The following SMG5 variants were observed in gnomAD, a reference collection of about 807,000 sequenced individuals.
The protein encoded by SMG5 is nonsense-mediated mRNA decay factor SMG5.
SMG5 carries 53 observed loss-of-function variants against 122.9 expected under a neutral mutation model. That is an observed-to-expected ratio of 0.43 (90% CI 0.35 to 0.54). SMG5 has a LOEUF of 0.54. Among genes scored for constraint, SMG5 ranks in the 20% least tolerant of loss-of-function variants. SMG5 has a pLI of 0.01. For missense variants in SMG5, 1,153 were observed against 1,285.6 expected, an observed-to-expected ratio of 0.90 and a Z score of 1.58; for synonymous variants, 477 against 490.2, an observed-to-expected ratio of 0.97 and a Z score of 0.35.
intron 19 of SMG5, 86 bp downstream of exon 19, chr1:156,252,328 C>A: frequency 7.9e-7 from 1 of 1,271,726 alleles, no homozygotes; most frequent in Non-Finnish European, 1.1e-6. Context: ...GTGTCTTACC[C>A]ATAGGGAGCA....
chr1:156,270,995 G>C (rs964499485), intron 7 of SMG5, among the ~76,000 whole-genome samples: 4 of 147,514 alleles, frequency 2.7e-5, no homozygotes, highest in Non-Finnish European at 4.5e-5. Context: ...CAACAAGAGT[G>C]AAACTCCATC....
Position 156,268,350 on chromosome 1 carries a change from G to T in SMG5, c.779C>A (p.Ala260Asp), listed in dbSNP as rs1662254448. Residue 260 changes from alanine (A) to aspartate (D), a missense_variant, in exon 8 of 22, where the codon GCC (alanine) becomes GAC (aspartate). Ala to Asp is a moderately radical substitution (Grantham distance 126). Coordinates refer to ENST00000361813, the MANE Select transcript of SMG5 (RefSeq NM_015327.3). ...CTTCTTCAGTTGGTGGTACATTTTG[G>T]CTGCCTTGTCATACAGCCGCTTGAG... ...GNLKRLYDKA[A>D]KMYHQLKKCE... 2 of 1,613,994 alleles carry T rather than the reference G, an allele frequency of 1.2e-6. No homozygotes were observed. Among genetic ancestry groups the T allele is most frequent in the Non-Finnish European group, 1.7e-6 (2 of 1,180,030 alleles).
chr1:156,268,324 A>G lies in SMG5; in HGVS notation c.805T>C (p.Cys269Arg). 1 of 1,614,134 alleles carries G rather than the reference A, an allele frequency of 6.2e-7. No individual in the cohort carries two copies. Among genetic ancestry groups the G allele is most frequent in the Non-Finnish European group, 8.5e-7 (1 of 1,180,026 alleles). ...AAKMYHQLKK[C>R]ETRKLSPGKK... The stretch of plus-strand genomic sequence containing the variant: ...CCAGGAGACAGTTTCCGAGTCTCAC[A>G]CTTCTTCAGTTGGTGGTACATTTTG... Residue 269 changes from cysteine to arginine, a missense_variant, in exon 8 of 22, where the codon TGT (cysteine) becomes CGT (arginine). Around this residue, in one of 5 missense-constraint regions of SMG5, gnomAD observed 631 missense variants for 650.6 expected, o/e 0.97. Coordinates refer to ENST00000361813, the MANE Select transcript of SMG5 (RefSeq NM_015327.3).
rs374890333 is a variant in SMG5 at position 156,260,730 on chromosome 1, G to A, written c.2108-104C>T. ...AATTATCAGGCTGATGAGATGATGA[G>A]GCAGGACATACCCTAGGACAGTGCG... On this transcript the variant is annotated intron_variant, in intron 14 of 21. Transcript: ENST00000361813. The A allele has an allele frequency of 5.6e-6, 6 of 1,070,096 alleles. No homozygotes were observed. In the East Asian group the frequency reaches 8.9e-5, roughly 16 times the overall value. 66.3% of individuals were successfully genotyped at this position (1,070,096 alleles called of 1,614,324 possible).
intron 16 of SMG5, among the ~76,000 whole-genome samples, chr1:156,255,044 T>C (rs894447788): frequency 1.3e-5 from 2 of 151,498 alleles, no homozygotes; most frequent in Admixed American, 6.6e-5. Flanking sequence ...TGAGCCGAGA[T>C]AGAGCCACTG....
the SMG5 span, chr1:156,291,515 A>AT: frequency 1.4e-5 from 23 of 1,609,864 alleles, no homozygotes; most frequent in South Asian, 2.5e-4. Flanking sequence ...GCCGGAGCGC[A>AT]TGCTCACTGC....
chr1:156,250,682 G>C lies in SMG5; in HGVS notation c.2968-12C>G. The C allele has an allele frequency of 6.2e-7, 1 of 1,613,644 alleles. No individual in the cohort carries two copies. The highest frequency in any genetic ancestry group is 1.3e-5 in the African/African-American group (1 of 75,032). ...GCCTGCAGGGCTGCCTGTGGAATGGGAGAAGGAAAGATGGAGAGGGTCTGA... is the reference window on the plus strand; with the variant it reads ...GCCTGCAGGGCTGCCTGTGGAATGGCAGAAGGAAAGATGGAGAGGGTCTGA... On this transcript the variant is annotated splice_polypyrimidine_tract_variant and intron_variant, in intron 21 of 21. Transcript: ENST00000361813.
At position 156,278,924 on chromosome 1, in the gene SMG5, T is replaced by A. The variant is rs781450190; in HGVS notation, c.173+12A>T. ...AACAGTAAGGATCTGTGGTTTAGAG[T>A]CTCTAGCTTACTTGTTCCTCAGGCT... is the stretch of plus-strand genomic sequence containing the variant. On this transcript the variant is annotated intron_variant, in intron 2 of 21. Coordinates refer to ENST00000361813, the MANE Select transcript of SMG5 (RefSeq NM_015327.3). The A allele has an allele frequency of 3.1e-6, 5 of 1,606,382 alleles. No individual in the cohort carries two copies. The African/African-American group carries it at 6.7e-5, about 21-fold the overall frequency.
At chr1:156,285,198 G>A, upstream of SMG5, 1 of 1,517,376 alleles carries the variant, frequency 6.6e-7, no homozygotes, top group Non-Finnish European at 8.8e-7. Flanking sequence ...ACATGACCTT[G>A]TGGTAGATCC....
In SMG5 at chr1:156,263,576, G is replaced by C; in HGVS notation, c.1856-6C>G. ...CTCAGAGCCCTCCTCAGAGGCTGGG[G>C]GGTGGGTGAATGGAAGAGAAAAAAA... On this transcript the variant is annotated splice_polypyrimidine_tract_variant and splice_region_variant and intron_variant, in intron 12 of 21. Transcript: ENST00000361813. 1 of 1,611,310 alleles carries C rather than the reference G, an allele frequency of 6.2e-7. No individual in the cohort carries two copies. The highest frequency in any genetic ancestry group is 1.7e-4 in the Middle Eastern group (1 of 6,044).
At chr1:156,265,642 G>A in intron 12 of SMG5, 139 bp downstream of exon 12, 1 of 1,290,912 alleles carries the variant, frequency 7.7e-7, no homozygotes. Flanking sequence ...AAAAACTCAT[G>A]GGCTACACCA....
chr1:156,266,338 G>A lies in SMG5; in HGVS notation c.1298C>T (p.Pro433Leu). 1 of 1,614,030 alleles carries A rather than the reference G, an allele frequency of 6.2e-7. No homozygotes were observed. The stretch of plus-strand genomic sequence containing the variant: ...TGTTACAGGAGGAGGCTCAGGATCT[G>A]GCTCCTCCTCTTTCTCCACAGGTTC... Reference protein sequence around the residue: ...SKEPVEKEEEPDPEPPPVTPQ... With the variant: ...SKEPVEKEEELDPEPPPVTPQ... Residue 433 changes from proline (P) to leucine (L), a missense_variant, in exon 12 of 22, where the codon CCA (proline) becomes CTA (leucine). Transcript: ENST00000361813.
At chr1:156,254,387 T>C (rs932118468) in intron 16 of SMG5, among the ~76,000 whole-genome samples, 11 of 152,244 alleles carry the variant, frequency 7.2e-5, no homozygotes, top group African/African-American at 2.7e-4. Context: ...AAGATGAGGC[T>C]AAGGATGGGG....
intron 21 of SMG5, 47 bp downstream of exon 21, chr1:156,250,811 A>G: frequency 6.2e-7 from 1 of 1,610,242 alleles, no homozygotes; most frequent in South Asian, 1.1e-5. Flanking sequence ...CTGCTCTGGT[A>G]CCTCGTCCCT....
rs762840716 is a variant in SMG5 at position 156,282,571 on chromosome 1, C to T, written c.74+36G>A. The T allele has an allele frequency of 4.9e-5, 77 of 1,586,424 alleles. No individual in the cohort carries two copies. The Middle Eastern group carries it at 5.0e-4, about 10-fold the overall frequency. Reference sequence around the variant, plus strand: ...CCGCCCCTCGCCGTCTCCCCACTTCCCTCGGTGGCTGCTCTCACGCCCTGG... The same window carrying T: ...CCGCCCCTCGCCGTCTCCCCACTTCTCTCGGTGGCTGCTCTCACGCCCTGG... On this transcript the variant is annotated intron_variant, in intron 1 of 21. Coordinates refer to ENST00000361813, the MANE Select transcript of SMG5 (RefSeq NM_015327.3).
chr1:156,266,988 T>C (rs1662183240), intron 10 of SMG5, among the ~76,000 whole-genome samples: 1 of 152,066 alleles, frequency 6.6e-6, no homozygotes, highest in Non-Finnish European at 1.5e-5. Context: ...CTTGTACTCC[T>C]TCAGATAAGC....
rs766485282 is a variant in SMG5, at chr1:156,282,730, C to G, written c.-50G>C. 4 of 1,543,676 alleles carry G rather than the reference C, an allele frequency of 2.6e-6. No individual in the cohort carries two copies. The highest frequency in any genetic ancestry group is 3.5e-6 in the Non-Finnish European group (4 of 1,147,376). On this transcript the variant is annotated 5_prime_UTR_variant, in exon 1 of 22. Transcript: ENST00000361813. Reference sequence around the variant, plus strand: ...CCGGTCACAGGCCCCTGCCACCCACCACTACCGCCAACACTGCCGTCTCCG... The same window carrying G: ...CCGGTCACAGGCCCCTGCCACCCACGACTACCGCCAACACTGCCGTCTCCG...
Position 156,249,863 on chromosome 1 carries a change from T to G in SMG5, c.*724A>C. ...GAGACCGTGCTGGCACAGGCCAGAC[T>G]GCCTGCAGCCCTAGGTGGGGCCTGC... On this transcript the variant is annotated 3_prime_UTR_variant, in exon 22 of 22. Coordinates refer to ENST00000361813, the MANE Select transcript of SMG5 (RefSeq NM_015327.3). The G allele has an allele frequency of 2.1e-6, 1 of 471,254 alleles. No individual in the cohort carries two copies. Among genetic ancestry groups the G allele is most frequent in the South Asian group, 1.5e-5 (1 of 64,578 alleles). 29.2% of individuals were successfully genotyped at this position (471,254 alleles called of 1,614,324 possible). A position where few individuals can be genotyped will look rare whatever the true frequency, so the allele number is the denominator to read the frequency against.
rs1336422874 is a variant in SMG5 at position 156,249,984 on chromosome 1, T to C, written c.*603A>G. 2 of 469,048 alleles carry C rather than the reference T, an allele frequency of 4.3e-6. No individual in the cohort carries two copies. Among genetic ancestry groups the C allele is most frequent in the African/African-American group, 2.0e-5 (1 of 50,072 alleles). 29.1% of individuals were successfully genotyped at this position (469,048 alleles called of 1,614,324 possible). ...AGCAGGAGGAGGAGCACACGAACCC[T>C]GACCCTGCTACTCGGTGCAGGCCAC... On this transcript the variant is annotated 3_prime_UTR_variant, in exon 22 of 22. Coordinates refer to ENST00000361813, the MANE Select transcript of SMG5 (RefSeq NM_015327.3).
Sources: allele counts gnomAD v4.1 joint callset (sites outside exome capture counted in the v4.1 genomes callset), GRCh38; gene constraint gnomAD v4.1.1; regional missense constraint gnomAD v4.1.1; transcripts MANE v1.5; gene names NCBI Gene and HGNC (gene_info 2026-07-23, HGNC 2026-07-21).